The following UNC45A variants were observed in gnomAD, a reference collection of about 807,000 sequenced individuals.
The protein encoded by UNC45A is protein unc-45 homolog A.
Under a neutral mutation model 103.2 loss-of-function variants are expected in UNC45A, and 78 were observed. That is an observed-to-expected ratio of 0.76 (90% CI 0.63 to 0.91). The LOEUF (loss-of-function observed/expected upper bound fraction) is 0.91, where lower values mean the gene tolerates loss of function less well. Ranked by LOEUF, UNC45A falls within the 40% of genes least tolerant of loss-of-function variation. UNC45A has a pLI of 0.00. For synonymous variants in UNC45A, 495 were observed against 504.6 expected, an observed-to-expected ratio of 0.98 and a Z score of 0.25; for missense variants, 1,193 against 1,224.8, an observed-to-expected ratio of 0.97 and a Z score of 0.39.
At chr15:90,952,857 T>C (rs886141818) in intron 17 of UNC45A, 72 bp from the exon 18 acceptor site, 34 of 1,414,660 alleles carry the variant, frequency 2.4e-5, no homozygotes, top group South Asian at 2.3e-4. Flanking sequence ...TTGGGGATTA[T>C]AGTTCAACAT....
At chr15:90,947,003 C>T (rs754776701) in intron 10 of UNC45A, 89 bp downstream of exon 10, 1 of 1,464,578 alleles carries the variant, frequency 6.8e-7, no homozygotes, top group Admixed American at 2.1e-5. Flanking sequence ...CCAGCACACT[C>T]CAGATGAAAA....
At chr15:90,947,375 G>A (rs78664577) in intron 10 of UNC45A, 10,493 of 257,178 alleles carry the variant, frequency 0.041, 1,028 homozygotes, top group African/African-American at 0.21. Context: ...CCCTGTGGAA[G>A]CTGGTCTTCC....
upstream of UNC45A, chr15:90,933,031 G>T (rs560106094): frequency 6.5e-6 from 1 of 152,824 alleles, no homozygotes; most frequent in South Asian, 2.1e-4. Flanking sequence ...CTCCCTGTAG[G>T]GATGGGCCAG....
chr15:90,948,295 G>T lies in UNC45A; in HGVS notation c.1737+12G>T. On this transcript the variant is annotated intron_variant, in intron 12 of 19. Transcript: ENST00000418476. ...TCCAGCTCAGCAGGGTAGCTCTGTG[G>T]TTCCTGCCGTCAGCCTGGGGACACT... 6.2e-7 allele frequency: 1 copy of T among 1,612,924 alleles called. No homozygotes were observed. Among genetic ancestry groups the T allele is most frequent in the Non-Finnish European group, 8.5e-7 (1 of 1,180,026 alleles).
At position 90,939,880 on chromosome 15, in the gene UNC45A, G is replaced by GC; in HGVS notation, c.519+57_519+58insC. ...CTCCCACTAGAGCCACCCATCCATAGGCCCCCGAAGCCACTGCTGCCTTGC... is the reference window on the plus strand; with the variant it reads ...CTCCCACTAGAGCCACCCATCCATAGCGCCCCCGAAGCCACTGCTGCCTTGC... On this transcript the variant is annotated intron_variant, in intron 5 of 19. Coordinates refer to ENST00000418476, the MANE Select transcript of UNC45A (RefSeq NM_018671.5). 14 of 1,536,998 alleles carry GC rather than the reference G, an allele frequency of 9.1e-6. No homozygotes were observed. In the Admixed American group the frequency reaches 1.1e-4, roughly 12 times the overall value.
chr15:90,946,590 C>T (rs755353217), intron 9 of UNC45A, 24 bp from the exon 10 acceptor site: 46 of 1,573,662 alleles, frequency 2.9e-5, no homozygotes, highest in South Asian at 2.6e-4. Flanking sequence ...CTTGGTGTGA[C>T]GGCTGTCACC....
chr15:90,948,558 G>A (rs2036703129), intron 12 of UNC45A, 96 bp from the exon 13 acceptor site: 1 of 1,543,196 alleles, frequency 6.5e-7, no homozygotes, highest in Non-Finnish European at 8.8e-7. Flanking sequence ...AAGGGTCCCA[G>A]CTGAGGGTGG....
chr15:90,939,909 G>T, intron 5 of UNC45A, 86 bp downstream of exon 5: 1 of 1,256,434 alleles, frequency 8.0e-7, no homozygotes, highest in Non-Finnish European at 1.1e-6. Flanking sequence ...GCCTTGCTCT[G>T]CCGCTCCTCC....
At chr15:90,951,351 C>CA (rs140376431) in intron 17 of UNC45A, among the ~76,000 whole-genome samples, 9,916 of 152,270 alleles carry the variant, frequency 0.065, 1,066 homozygotes, top group African/African-American at 0.22. Context: ...ACATATTACT[C>CA]ATTACTTAGC....
rs1330960274 is a variant in UNC45A at position 90,949,680 on chromosome 15, T to G, written c.2033T>G (p.Val678Gly). The change falls in exon 15 of 20, where the codon GTA becomes GGA. Residue 678 changes from valine (V) to glycine (G), a missense_variant. Transcript: ENST00000418476. ...GTCTTCTTGGCTTTAGTGGAAGAGG[T>G]AGAGGACCGAGGCACTGTGGTTGCC... ...SRVFLALVEE[V>G]EDRGTVVAQG... 2.5e-6 allele frequency: 4 copies of G among 1,613,962 alleles called. No individual in the cohort carries two copies. Among genetic ancestry groups the G allele is most frequent in the Non-Finnish European group, 2.5e-6 (3 of 1,179,992 alleles).
chr15:90,940,283 A>G (rs889732455), intron 5 of UNC45A, 23 bp from the exon 6 acceptor site: 12 of 1,605,250 alleles, frequency 7.5e-6, no homozygotes, highest in Non-Finnish European at 1.0e-5. Flanking sequence ...TGTCAACATT[A>G]TAATGTGCTT....
rs532423942 is a variant in UNC45A, at chr15:90,949,002, G to T, written c.1878+208G>T. Reference sequence around the variant, plus strand: ...TGCCATTCTCCTGCCTCAGCCTCCCGAGTAGCTGGGACTACAGGTGCCCGC... The same window carrying T: ...TGCCATTCTCCTGCCTCAGCCTCCCTAGTAGCTGGGACTACAGGTGCCCGC... On this transcript the variant is annotated intron_variant, in intron 13 of 19. Transcript: ENST00000418476. Among the ~76,000 whole-genome samples the T allele has an allele frequency of 2.0e-5, 3 of 148,568 alleles. No individual in the cohort carries two copies. In the Admixed American group the frequency reaches 2.1e-4, roughly 10 times the overall value.
chr15:90,932,476 TG>T, upstream of UNC45A: 2 of 1,315,106 alleles, frequency 1.5e-6, no homozygotes, highest in South Asian at 2.3e-5. Context: ...CTTCCGCCGC[TG>T]CTGCCGGTGC....
At chr15:90,930,683 T>G (rs571150909), upstream of UNC45A, 1 of 154,202 alleles carries the variant, frequency 6.5e-6, no homozygotes, top group Admixed American at 6.4e-5. Flanking sequence ...TCCAACTTTC[T>G]TAACGGGAAA....
At chr15:90,934,718 A>AG, upstream of UNC45A, 1 of 398,656 alleles carries the variant, frequency 2.5e-6, no homozygotes, top group Non-Finnish European at 4.4e-6. Context: ...GGAGAAGTTC[A>AG]GGGGGCTGTG....
At chr15:90,947,042 A>G in intron 10 of UNC45A, 128 bp downstream of exon 10, 3 of 1,168,208 alleles carry the variant, frequency 2.6e-6, no homozygotes. Context: ...CAAAAAAATT[A>G]GCTAGGCTTG....
At chr15:90,941,353 T>C (rs936905313) in intron 6 of UNC45A, among the ~76,000 whole-genome samples, 2 of 152,176 alleles carry the variant, frequency 1.3e-5, no homozygotes, top group African/African-American at 4.8e-5. Flanking sequence ...CCCCAGCTCT[T>C]ACCTGAGCTG....
At chr15:90,931,088 C>T (rs1432773090), upstream of UNC45A, 1 of 635,668 alleles carries the variant, frequency 1.6e-6, no homozygotes, top group Non-Finnish European at 2.7e-6. Flanking sequence ...ACATCTGATT[C>T]CCACCACGCG....
In UNC45A at chr15:90,948,645, T is replaced by A. The variant is rs780983427; in HGVS notation, c.1738-9T>A. The A allele has an allele frequency of 1.4e-5, 23 of 1,613,256 alleles. No individual in the cohort carries two copies. In the South Asian group the frequency reaches 2.5e-4, roughly 18 times the overall value. Reference sequence around the variant, plus strand: ...GGATGCCCATGTGAATTCCTCTGTGTCCTGGCAGTTGGAGGAGAGGTCAGT... The same window carrying A: ...GGATGCCCATGTGAATTCCTCTGTGACCTGGCAGTTGGAGGAGAGGTCAGT... On this transcript the variant is annotated splice_polypyrimidine_tract_variant and intron_variant, in intron 12 of 19. Transcript: ENST00000418476.
Sources: allele counts gnomAD v4.1 joint callset (sites outside exome capture counted in the v4.1 genomes callset), GRCh38; gene constraint gnomAD v4.1.1; transcripts MANE v1.5; gene names NCBI Gene and HGNC (gene_info 2026-07-23, HGNC 2026-07-21).